CDC42: variants seen among roughly 807,000 people sequenced by gnomAD.
CDC42 encodes cell division cycle 42, also known as cell division control protein 42 homolog.
A neutral mutation model predicts 20.8 loss-of-function variants in CDC42; 1 was observed. The observed-to-expected ratio is 0.05, with a 90% CI of 0.02 to 0.23. The LOEUF (loss-of-function observed/expected upper bound fraction) is 0.23. CDC42 is among the 10% of genes least tolerant of loss of function. The probability of loss-of-function intolerance (pLI) is 1.00; values close to 1 mark genes in which losing one functional copy is unlikely to be tolerated. For synonymous variants in CDC42, 72 were observed against 84.8 expected, an observed-to-expected ratio of 0.85 and a Z score of 0.83; for missense variants, 49 against 227.9, an observed-to-expected ratio of 0.21 and a Z score of 5.05.
chr1:22,081,852 C>G, intron 3 of CDC42, 58 bp downstream of exon 3: 12 of 1,093,744 alleles, frequency 1.1e-5, no homozygotes, highest in Non-Finnish European at 1.7e-5. Context: ...AGTTGTCTGT[C>G]TCTTGTGGAC....
chr1:22,092,883 A>G lies in CDC42; in HGVS notation c.*1366A>G, dbSNP rs1413101684. On this transcript the variant is annotated 3_prime_UTR_variant, in exon 6 of 6. Transcript: ENST00000656825. ...ATTAGTGTTGAACCAATGCTTTCTC[A>G]TGTCTCAATTCTTTGTATATGCATT... 6.6e-6 allele frequency: 1 copy of G among 152,548 alleles called. No individual in the cohort carries two copies. The highest frequency in any genetic ancestry group is 6.6e-5 in the Admixed American group (1 of 15,264). The allele number at this position is 152,548 out of a possible 1,614,324, so 9.4% of individuals were successfully genotyped here. A position where few individuals can be genotyped will look rare whatever the true frequency, so the allele number is the denominator to read the frequency against.
In CDC42 at chr1:22,078,595, G is replaced by A. The variant is rs750902467; in HGVS notation, c.105+12G>A. On this transcript the variant is annotated intron_variant, in intron 2 of 5. Transcript: ENST00000656825. ...AATATGTACCGACTGTAAGTATAAA[G>A]GCTTCCTTCTGTTAGTAAAATGTTG... 1.3e-6 allele frequency: 2 copies of A among 1,589,622 alleles called. No homozygotes were observed. The highest frequency in any genetic ancestry group is 1.1e-5 in the South Asian group (1 of 88,792).
chr1:22,088,842 T>G (rs765943634), intron 5 of CDC42, among the ~76,000 whole-genome samples: 1 of 152,202 alleles, frequency 6.6e-6, no homozygotes. Context: ...ATTTTAACTT[T>G]TATGTGGCAT....
rs920408911 is a variant in CDC42, at chr1:22,095,395, G to A, written c.*3878G>A. The stretch of plus-strand genomic sequence containing the variant: ...CACCATTCTCCTGCCTCAGCCTCCC[G>A]AGTAGCCAGGACTACAGGCATGTGC... On this transcript the variant is annotated 3_prime_UTR_variant, in exon 6 of 6. Coordinates refer to ENST00000656825, the MANE Select transcript of CDC42 (RefSeq NM_001791.4). 6.6e-6 allele frequency among the ~76,000 whole-genome samples: 1 copy of A among 151,982 alleles called. No individual in the cohort carries two copies. The highest frequency in any genetic ancestry group is 1.5e-5 in the Non-Finnish European group (1 of 67,982).
At chr1:22,070,862 A>AG (rs1645482425) in intron 1 of CDC42, among the ~76,000 whole-genome samples, 1 of 152,104 alleles carries the variant, frequency 6.6e-6, no homozygotes, top group South Asian at 2.1e-4. Context: ...ACACAGCAGT[A>AG]GGATAGACAC....
chr1:22,098,054 T>G lies in CDC42; in HGVS notation c.*6537T>G, dbSNP rs1037164249. On this transcript the variant is annotated 3_prime_UTR_variant, in exon 6 of 6. Coordinates refer to ENST00000656825, the MANE Select transcript of CDC42 (RefSeq NM_001791.4). The stretch of plus-strand genomic sequence containing the variant: ...TGCTCTGATGCGTCCCGCAGAGCAG[T>G]GCTTTTTCTCGGTGTGAACTGTGGA... Among the ~76,000 whole-genome samples, 3 of 152,234 alleles carry G rather than the reference T, an allele frequency of 2.0e-5. No individual in the cohort carries two copies. Among genetic ancestry groups the G allele is most frequent in the Non-Finnish European group, 2.9e-5 (2 of 68,032 alleles).
rs914414020 is a variant in CDC42, at chr1:22,091,687, C to A, written c.*170C>A. The A allele has an allele frequency of 2.2e-5, 9 of 410,920 alleles. No individual in the cohort carries two copies. Among genetic ancestry groups the A allele is most frequent in the African/African-American group, 6.1e-5 (3 of 48,790 alleles). The allele number at this position is 410,920 out of a possible 1,614,324, so 25.5% of individuals were successfully genotyped here. A position where few individuals can be genotyped will look rare whatever the true frequency, so the allele number is the denominator to read the frequency against. On this transcript the variant is annotated 3_prime_UTR_variant, in exon 6 of 6. Coordinates refer to ENST00000656825, the MANE Select transcript of CDC42 (RefSeq NM_001791.4). ...ACAAGGCCCATAGGTATGGCCCCCC[C>A]CTTCCCCCTCCCAGTACTAGTTAAT...
In CDC42 at chr1:22,095,579, CTTTTAA is replaced by C. The variant is rs1645752334; in HGVS notation, c.*4065_*4070del. 6.6e-6 allele frequency among the ~76,000 whole-genome samples: 1 copy of C among 152,160 alleles called. No homozygotes were observed. Among genetic ancestry groups the C allele is most frequent in the African/African-American group, 2.4e-5 (1 of 41,436 alleles). On this transcript the variant is annotated 3_prime_UTR_variant, in exon 6 of 6. Coordinates refer to ENST00000656825, the MANE Select transcript of CDC42 (RefSeq NM_001791.4). ...CCACCGCGCCTGGCCAGAATGAATA[CTTTTAA>C]TTACTACTATGAGTCTTTTTTCAAA...
rs1371475809 is a variant in CDC42, at chr1:22,092,531, C to T, written c.*1014C>T. On this transcript the variant is annotated 3_prime_UTR_variant, in exon 6 of 6. Transcript: ENST00000656825. Reference sequence around the variant, plus strand: ...ACGAGGGGTGGTGCTAGAAGACAGACATCTGTGGAATGATTCACATCCTCT... The same window carrying T: ...ACGAGGGGTGGTGCTAGAAGACAGATATCTGTGGAATGATTCACATCCTCT... 6.8e-6 allele frequency: 1 copy of T among 147,754 alleles called. No individual in the cohort carries two copies. The highest frequency in any genetic ancestry group is 1.5e-5 in the Non-Finnish European group (1 of 67,354). The allele number at this position is 147,754 out of a possible 1,614,324, so 9.2% of individuals were successfully genotyped here. A position where few individuals can be genotyped will look rare whatever the true frequency, so the allele number is the denominator to read the frequency against.
rs1051968744 is a variant in CDC42, at chr1:22,052,738, C to T, written c.-55C>T. On this transcript the variant is annotated 5_prime_UTR_variant, in exon 1 of 6. Coordinates refer to ENST00000656825, the MANE Select transcript of CDC42 (RefSeq NM_001791.4). ...TGCTGCCAACGCCCCGGTGGAGAAG[C>T]TGAGGTGAGTGCGGGGCCCGAGGTT... 1 of 152,896 alleles carries T rather than the reference C, an allele frequency of 6.5e-6. No individual in the cohort carries two copies. Among genetic ancestry groups the T allele is most frequent in the African/African-American group, 2.4e-5 (1 of 41,480 alleles). 9.5% of individuals were successfully genotyped at this position (152,896 alleles called of 1,614,324 possible).
At chr1:22,057,874 C>T (rs1645320738) in intron 1 of CDC42, among the ~76,000 whole-genome samples, 1 of 151,656 alleles carries the variant, frequency 6.6e-6, no homozygotes, top group African/African-American at 2.4e-5. Flanking sequence ...CAGGTGTCCG[C>T]CACCACACCC....
chr1:22,099,534 G>A lies in CDC42; in HGVS notation c.*8017G>A, dbSNP rs895681594. On this transcript the variant is annotated 3_prime_UTR_variant, in exon 6 of 6. Transcript: ENST00000656825. ...TCTTATGTGGAAATAAAATGTATAT[G>A]ATTAATTACAAAGCTGAAAATCGTA... Among the ~76,000 whole-genome samples, 1 of 152,200 alleles carries A rather than the reference G, an allele frequency of 6.6e-6. No homozygotes were observed. The highest frequency in any genetic ancestry group is 2.4e-5 in the African/African-American group (1 of 41,446).
At chr1:22,069,320 T>G (rs151015896) in intron 1 of CDC42, among the ~76,000 whole-genome samples, 2 of 151,062 alleles carry the variant, frequency 1.3e-5, no homozygotes, top group South Asian at 4.2e-4. Flanking sequence ...GGACTACAGG[T>G]GAGCGCCATC....
intron 1 of CDC42, among the ~76,000 whole-genome samples, chr1:22,063,608 A>T (rs528896702): frequency 2.0e-5 from 3 of 152,330 alleles, no homozygotes; most frequent in Admixed American, 1.3e-4. Context: ...AACTGCACAC[A>T]TACCAGCACA....
At chr1:22,074,210 G>A (rs1333241134) in intron 1 of CDC42, 1 of 152,196 alleles carries the variant, frequency 6.6e-6, no homozygotes, top group Non-Finnish European at 1.5e-5. Flanking sequence ...CTGAGTAGCT[G>A]GGACTACAGG....
chr1:22,063,102 T>G (rs953813857), intron 1 of CDC42, among the ~76,000 whole-genome samples: 8 of 151,176 alleles, frequency 5.3e-5, no homozygotes, highest in Non-Finnish European at 1.0e-4. Context: ...GACTCATAGT[T>G]TTTTTTTGTT....
At chr1:22,077,720 T>C (rs1645566626) in intron 1 of CDC42, among the ~76,000 whole-genome samples, 1 of 152,218 alleles carries the variant, frequency 6.6e-6, no homozygotes, top group African/African-American at 2.4e-5. Flanking sequence ...AATGACTCTT[T>C]GGTACTTGTA....
Position 22,086,554 on chromosome 1 carries a change from C to A in CDC42, c.288+6C>A. ...TTGAAAACGTGAAAGAAAAGGTAAGCTGATCAGATACTCTTGCCCTAAGAA... is the reference window on the plus strand; with the variant it reads ...TTGAAAACGTGAAAGAAAAGGTAAGATGATCAGATACTCTTGCCCTAAGAA... On this transcript the variant is annotated splice_donor_region_variant and intron_variant, in intron 4 of 5. Coordinates refer to ENST00000656825, the MANE Select transcript of CDC42 (RefSeq NM_001791.4). 6.3e-7 allele frequency: 1 copy of A among 1,598,438 alleles called. No individual in the cohort carries two copies. The highest frequency in any genetic ancestry group is 8.6e-7 in the Non-Finnish European group (1 of 1,166,446).
At chr1:22,079,402 G>A (rs1645586116) in intron 2 of CDC42, among the ~76,000 whole-genome samples, 1 of 152,136 alleles carries the variant, frequency 6.6e-6, no homozygotes, top group Admixed American at 6.5e-5. Flanking sequence ...GCCTCCCAAA[G>A]TGCTGGGATT....
Sources: gnomAD v4.1 joint callset for allele counts (sites outside exome capture counted in the v4.1 genomes callset) on GRCh38, gnomAD v4.1.1 for gene constraint, MANE v1.5 for transcripts, NCBI Gene and HGNC (gene_info 2026-07-23, HGNC 2026-07-21) for gene names.